Variants in ST6GALNAC3 observed in about 807,000 individuals in gnomAD.
ST6GALNAC3 encodes the protein alpha-N-acetylgalactosaminide alpha-2,6-sialyltransferase 3.
Under a neutral mutation model 32.7 loss-of-function variants are expected in ST6GALNAC3, and 25 were observed. That is an observed-to-expected ratio of 0.76 (90% CI 0.56 to 1.07). The LOEUF (loss-of-function observed/expected upper bound fraction) is 1.07, where lower values mean the gene tolerates loss of function less well. Ranked by LOEUF, ST6GALNAC3 falls within the 50% of genes least tolerant of loss-of-function variation. ST6GALNAC3 has a pLI of 0.00. For synonymous variants in ST6GALNAC3, 129 were observed against 133.1 expected, an observed-to-expected ratio of 0.97 and a Z score of 0.21; for missense variants, 355 against 382.4, an observed-to-expected ratio of 0.93 and a Z score of 0.60.
intron 3 of ST6GALNAC3, among the ~76,000 whole-genome samples, chr1:76,614,476 T>C (rs576149438): frequency 1.3e-5 from 2 of 152,146 alleles, no homozygotes; most frequent in East Asian, 1.9e-4. Flanking sequence ...TCCCAGCACT[T>C]TGGGAGGCCG....
chr1:76,522,085 T>TAAA (rs55954462), intron 3 of ST6GALNAC3, among the ~76,000 whole-genome samples: 12 of 140,712 alleles, frequency 8.5e-5, no homozygotes, highest in African/African-American at 3.2e-4. Context: ...ACTCCATTTC[T>TAAA]AAAAAAAAAA....
At chr1:76,193,309 T>A (rs1366580072) in intron 1 of ST6GALNAC3, among the ~76,000 whole-genome samples, 2 of 152,194 alleles carry the variant, frequency 1.3e-5, no homozygotes, top group African/African-American at 4.8e-5. Flanking sequence ...TTATTTTTAA[T>A]TGTCAAAAGA....
chr1:76,490,177 C>G (rs1240654436), intron 3 of ST6GALNAC3, among the ~76,000 whole-genome samples: 1 of 152,068 alleles, frequency 6.6e-6, no homozygotes, highest in Non-Finnish European at 1.5e-5. Context: ...TCTTGCATGT[C>G]CCCTCTCCAG....
At chr1:76,558,207 C>G (rs1318561819) in intron 3 of ST6GALNAC3, among the ~76,000 whole-genome samples, 1 of 152,126 alleles carries the variant, frequency 6.6e-6, no homozygotes, top group East Asian at 1.9e-4. Context: ...ATTTTTAAAA[C>G]AGAACTACCT....
At chr1:76,321,205 C>T (rs1646961179) in intron 2 of ST6GALNAC3, among the ~76,000 whole-genome samples, 1 of 152,020 alleles carries the variant, frequency 6.6e-6, no homozygotes, top group Non-Finnish European at 1.5e-5. Context: ...TTATGTTTTT[C>T]TGGGACACAC....
chr1:76,477,897 A>C (rs759152832), intron 3 of ST6GALNAC3, among the ~76,000 whole-genome samples: 6 of 151,966 alleles, frequency 3.9e-5, no homozygotes, highest in Non-Finnish European at 7.4e-5. Context: ...CAAGGATCTT[A>C]CTCTTTCATG....
At chr1:76,076,581 G>A (rs1646819391) in intron 1 of ST6GALNAC3, among the ~76,000 whole-genome samples, 1 of 152,172 alleles carries the variant, frequency 6.6e-6, no homozygotes, top group Non-Finnish European at 1.5e-5. Context: ...GTTGCTGTGG[G>A]AATGAAATAA....
At chr1:76,138,916 C>T (rs185006211) in intron 1 of ST6GALNAC3, among the ~76,000 whole-genome samples, 24 of 152,222 alleles carry the variant, frequency 1.6e-4, no homozygotes, top group African/African-American at 5.3e-4. Flanking sequence ...ATGCACTGGC[C>T]GGGCGCAGTG....
At chr1:76,283,909 G>A (rs2100794932) in intron 1 of ST6GALNAC3, among the ~76,000 whole-genome samples, 1 of 152,220 alleles carries the variant, frequency 6.6e-6, no homozygotes, top group South Asian at 2.1e-4. Flanking sequence ...TTCACATGTT[G>A]TAAACCTAAC....
At chr1:76,390,489 A>G (rs111781792) in intron 2 of ST6GALNAC3, among the ~76,000 whole-genome samples, 6 of 152,206 alleles carry the variant, frequency 3.9e-5, no homozygotes. Context: ...AGTTTACCTT[A>G]CTAAAATCTC....
chr1:76,628,936 C>A lies in ST6GALNAC3; in HGVS notation c.*130C>A, dbSNP rs779440056. The A allele has an allele frequency of 1.4e-4, 211 of 1,489,524 alleles. No individual in the cohort carries two copies. Among genetic ancestry groups the A allele is most frequent in the Non-Finnish European group, 1.8e-4 (202 of 1,130,398 alleles). The allele number at this position is 1,489,524 out of a possible 1,614,324, so 92.3% of individuals were successfully genotyped here. A position where few individuals can be genotyped will look rare whatever the true frequency, so the allele number is the denominator to read the frequency against. On this transcript the variant is annotated 3_prime_UTR_variant, in exon 5 of 5. Coordinates refer to ENST00000328299, the MANE Select transcript of ST6GALNAC3 (RefSeq NM_152996.4). Reference sequence around the variant, plus strand: ...AATGATTATCAAGTTCCTGTACACTCTCAGATGTGGATGGTGACTCTGCTA... The same window carrying A: ...AATGATTATCAAGTTCCTGTACACTATCAGATGTGGATGGTGACTCTGCTA...
At chr1:76,566,142 G>A (rs138049688) in intron 3 of ST6GALNAC3, among the ~76,000 whole-genome samples, 2 of 152,272 alleles carry the variant, frequency 1.3e-5, no homozygotes, top group South Asian at 2.1e-4. Context: ...GAGCACAGAC[G>A]GACATCAACC....
Position 76,628,844 on chromosome 1 carries a change from A to AT in ST6GALNAC3, c.*39dup. 6.2e-7 allele frequency: 1 copy of AT among 1,601,400 alleles called. No individual in the cohort carries two copies. Among genetic ancestry groups the AT allele is most frequent in the Non-Finnish European group, 8.5e-7 (1 of 1,175,722 alleles). On this transcript the variant is annotated 3_prime_UTR_variant, in exon 5 of 5. Coordinates refer to ENST00000328299, the MANE Select transcript of ST6GALNAC3 (RefSeq NM_152996.4). ...TGATCTTGCCGCATCACTTAATGTGATCCCCATACTGCAACTGTGATGCTG... is the reference window on the plus strand; with the variant it reads ...TGATCTTGCCGCATCACTTAATGTGATTCCCCATACTGCAACTGTGATGCTG...
intron 3 of ST6GALNAC3, among the ~76,000 whole-genome samples, chr1:76,599,406 C>T (rs956071603): frequency 2.6e-5 from 4 of 151,896 alleles, no homozygotes; most frequent in African/African-American, 9.7e-5. Flanking sequence ...GGTTTTAAGC[C>T]CCACATGCAT....
intron 3 of ST6GALNAC3, among the ~76,000 whole-genome samples, chr1:76,423,389 G>A (rs1655163077): frequency 6.6e-6 from 1 of 151,972 alleles, no homozygotes; most frequent in African/African-American, 2.4e-5. Flanking sequence ...GGAATATTAT[G>A]ACCAAAGCCA....
chr1:76,449,379 C>A (rs768756890), intron 3 of ST6GALNAC3, among the ~76,000 whole-genome samples: 9 of 152,328 alleles, frequency 5.9e-5, no homozygotes, highest in Non-Finnish European at 7.4e-5. Flanking sequence ...GCAGCTGCTA[C>A]AAACATTCAT....
intron 1 of ST6GALNAC3, among the ~76,000 whole-genome samples, chr1:76,264,308 ATCTG>A (rs1255912677): frequency 6.6e-6 from 1 of 152,170 alleles, no homozygotes; most frequent in Non-Finnish European, 1.5e-5. Flanking sequence ...TAATGAACCT[ATCTG>A]TCTATCTATA....
At chr1:76,491,213 C>A (rs1322496071) in intron 3 of ST6GALNAC3, among the ~76,000 whole-genome samples, 2 of 151,992 alleles carry the variant, frequency 1.3e-5, no homozygotes, top group African/African-American at 2.4e-5. Flanking sequence ...ATTTATAGAC[C>A]ATTTGGAGTT....
At chr1:76,582,817 T>A (rs1287443331) in intron 3 of ST6GALNAC3, among the ~76,000 whole-genome samples, 1 of 152,172 alleles carries the variant, frequency 6.6e-6, no homozygotes, top group Admixed American at 6.5e-5. Flanking sequence ...TGTTTTCTTT[T>A]GGATGTTCAC....
Sources: gnomAD v4.1 joint callset for allele counts (sites outside exome capture counted in the v4.1 genomes callset) on GRCh38, gnomAD v4.1.1 for gene constraint, MANE v1.5 for transcripts, NCBI Gene and HGNC (gene_info 2026-07-23, HGNC 2026-07-21) for gene names.